EEFSEC: variants seen among roughly 807,000 people sequenced by gnomAD.
EEFSEC encodes eukaryotic elongation factor, selenocysteine-tRNA specific, also known as selenocysteine-specific elongation factor.
Under a neutral mutation model 42.1 loss-of-function variants are expected in EEFSEC, and 43 were observed. The ratio of observed to expected loss-of-function variants is 1.02; its 90% confidence interval spans 0.80 to 1.32. EEFSEC has a LOEUF of 1.32. Ranked by LOEUF, EEFSEC falls within the 40% of genes most tolerant of loss-of-function variation. EEFSEC has a pLI of 0.00. For missense variants in EEFSEC, 745 were observed against 803.6 expected (o/e 0.93, Z 0.88); for synonymous variants, 354 against 339.1 (o/e 1.04, Z -0.48).
At position 128,295,152 on chromosome 3, in the gene EEFSEC, C is replaced by T. The variant is rs867301043; in HGVS notation, c.786+30371C>T. 2.0e-5 allele frequency among the ~76,000 whole-genome samples: 3 copies of T among 152,212 alleles called. No homozygotes were observed. In the South Asian group the frequency reaches 6.2e-4, roughly 31 times the overall value. On this transcript the variant is annotated intron_variant, in intron 4 of 6. Transcript: ENST00000254730. ...AAAAAGAGGCCAATGCAAAAAGCTG[C>T]AGCTGATTCCAGGCACCCCCAAAAT...
Position 128,336,980 on chromosome 3 carries a change from C to T in EEFSEC, c.787-4253C>T, listed in dbSNP as rs115929222. Reference sequence around the variant, plus strand: ...TGCGTGCGCCACCTCAGCTGCGCCCCGTGGACATTAGCGAATGTTTGAGGA... The same window carrying T: ...TGCGTGCGCCACCTCAGCTGCGCCCTGTGGACATTAGCGAATGTTTGAGGA... On this transcript the variant is annotated intron_variant, in intron 4 of 6. Transcript: ENST00000254730. 470 of 152,210 alleles carry T rather than the reference C, an allele frequency of 3.1e-3. 5 individuals are homozygous for T. The highest frequency in any genetic ancestry group is 0.011 in the African/African-American group (457 of 41,520). The allele number at this position is 152,210 out of a possible 1,614,324, so 9.4% of individuals were successfully genotyped here.
intron 6 of EEFSEC, among the ~76,000 whole-genome samples, chr3:128,376,392 C>T (rs1252384300): frequency 6.6e-6 from 1 of 152,216 alleles, no homozygotes; most frequent in Non-Finnish European, 1.5e-5. Context: ...TGCACAGCCA[C>T]AGCCCTTCCC....
At chr3:128,421,439 G>A in the EEFSEC span, among the ~76,000 whole-genome samples, 2,827 of 152,280 alleles carry the variant, frequency 0.019, 86 homozygotes, top group African/African-American at 0.061. Flanking sequence ...GCCTTCAAGG[G>A]GGGTCCCAAG....
At chr3:128,378,237 C>A (rs1351124682) in intron 6 of EEFSEC, among the ~76,000 whole-genome samples, 1 of 152,188 alleles carries the variant, frequency 6.6e-6, no homozygotes, top group East Asian at 1.9e-4. Flanking sequence ...CATCCAGATG[C>A]CCTTTGTGAC....
rs190288646 is a variant in EEFSEC at position 128,344,719 on chromosome 3, C to T, written c.1443+2830C>T. Among the ~76,000 whole-genome samples, 384 of 152,346 alleles carry T rather than the reference C, an allele frequency of 2.5e-3. 5 individuals are homozygous for T. Among genetic ancestry groups the T allele is most frequent in the African/African-American group, 8.4e-3 (349 of 41,586 alleles). On this transcript the variant is annotated intron_variant, in intron 5 of 6. Transcript: ENST00000254730. ...TCCTGGTAAGGTGGAACTTGGAGAT[C>T]ATACAGAGTAGGCTCAAGCCCTTGC...
intron 4 of EEFSEC, among the ~76,000 whole-genome samples, chr3:128,323,539 A>G (rs2067030917): frequency 1.3e-5 from 2 of 152,122 alleles, no homozygotes; most frequent in African/African-American, 4.8e-5. Flanking sequence ...CACTCTGTCA[A>G]TCCTAACACG....
intron 4 of EEFSEC, among the ~76,000 whole-genome samples, chr3:128,336,559 C>T (rs1299325111): frequency 6.6e-6 from 1 of 152,182 alleles, no homozygotes; most frequent in Non-Finnish European, 1.5e-5. Context: ...CTGCCACCCG[C>T]AGTTCCACTG....
chr3:128,236,303 T>G (rs2066009934), intron 1 of EEFSEC, among the ~76,000 whole-genome samples: 1 of 152,204 alleles, frequency 6.6e-6, no homozygotes, highest in African/African-American at 2.4e-5. Flanking sequence ...TTGAGGTGAC[T>G]CGGCCTCCTG....
chr3:128,360,550 C>T (rs1490007296), intron 6 of EEFSEC, among the ~76,000 whole-genome samples: 1 of 152,212 alleles, frequency 6.6e-6, no homozygotes, highest in Non-Finnish European at 1.5e-5. Context: ...GAGCTCCCTT[C>T]CTGTAGCCCA....
intron 1 of EEFSEC, among the ~76,000 whole-genome samples, chr3:128,181,068 G>A (rs754806275): frequency 6.3e-4 from 96 of 152,244 alleles, no homozygotes; most frequent in Non-Finnish European, 1.2e-3. Flanking sequence ...AGCCTTGGCT[G>A]CTTCAGGGGG....
At chr3:128,329,032 A>G (rs1018249007) in intron 4 of EEFSEC, among the ~76,000 whole-genome samples, 4 of 151,560 alleles carry the variant, frequency 2.6e-5, no homozygotes, top group African/African-American at 9.7e-5. Flanking sequence ...CCCGCCTCTC[A>G]CCCTCCTTGC....
chr3:128,259,583 A>T (rs1046202168), intron 2 of EEFSEC, among the ~76,000 whole-genome samples: 2 of 152,178 alleles, frequency 1.3e-5, no homozygotes, highest in Non-Finnish European at 2.9e-5. Context: ...AGCCATCACC[A>T]CTATCTAATT....
At chr3:128,188,510 G>A (rs754617390) in intron 1 of EEFSEC, among the ~76,000 whole-genome samples, 16 of 152,216 alleles carry the variant, frequency 1.1e-4, no homozygotes, top group African/African-American at 1.4e-4. Flanking sequence ...AAAGTTTGGC[G>A]GCCTTGGTAT....
intron 6 of EEFSEC, among the ~76,000 whole-genome samples, chr3:128,384,124 G>A (rs2067810039): frequency 6.6e-6 from 1 of 152,216 alleles, no homozygotes; most frequent in African/African-American, 2.4e-5. Context: ...TAGCTAAGGA[G>A]GCCTTCTTAG....
At chr3:128,365,008 C>T (rs2067572368) in intron 6 of EEFSEC, among the ~76,000 whole-genome samples, 2 of 152,214 alleles carry the variant, frequency 1.3e-5, no homozygotes, top group Non-Finnish European at 2.9e-5. Flanking sequence ...CCAGCCCTGC[C>T]AGCTGGCTCT....
intron 1 of EEFSEC, among the ~76,000 whole-genome samples, chr3:128,240,777 CAACCTGTGTTGGATGG>C (rs1446983430): frequency 6.6e-6 from 1 of 152,264 alleles, no homozygotes; most frequent in African/African-American, 2.4e-5. Context: ...GGGACAGCTG[CAACCTGTGTTGGATGG>C]AGCCTGATCA....
intron 2 of EEFSEC, among the ~76,000 whole-genome samples, chr3:128,250,911 G>GTTTTTTTTTTTTTTTTTTTTTTTGTTT (rs35594175): frequency 1.8e-5 from 2 of 108,562 alleles, no homozygotes; most frequent in Non-Finnish European, 1.8e-5. Flanking sequence ...GTTTTTTTTG[G>GTTTTTTTTTTTTTTTTTTTTTTTGTTT]TTTTTTTTTT....
chr3:128,369,627 CA>C (rs1163065943), intron 6 of EEFSEC, among the ~76,000 whole-genome samples: 1 of 152,236 alleles, frequency 6.6e-6, no homozygotes, highest in African/African-American at 2.4e-5. Context: ...GCTTCGGAGG[CA>C]GCCAGACCTG....
chr3:128,373,418 C>T (rs555933484), intron 6 of EEFSEC, among the ~76,000 whole-genome samples: 3 of 152,324 alleles, frequency 2.0e-5, no homozygotes, highest in African/African-American at 7.2e-5. Flanking sequence ...TACAGGTAAC[C>T]ATTGGATTGC....
Sources: gnomAD v4.1 joint callset for allele counts (sites outside exome capture counted in the v4.1 genomes callset) on GRCh38, gnomAD v4.1.1 for gene constraint, MANE v1.5 for transcripts, NCBI Gene and HGNC (gene_info 2026-07-23, HGNC 2026-07-21) for gene names.